Variants in ZNF704 observed in about 807,000 individuals in gnomAD.
The protein encoded by ZNF704 is zinc finger protein 704.
ZNF704 carries 10 observed loss-of-function variants against 44.7 expected under a neutral mutation model. The ratio of observed to expected loss-of-function variants is 0.22; its 90% confidence interval spans 0.14 to 0.38. The LOEUF (loss-of-function observed/expected upper bound fraction) is 0.38, where lower values mean the gene tolerates loss of function less well. Among genes scored for constraint, ZNF704 ranks in the 10% least tolerant of loss-of-function variants. ZNF704 has a pLI of 1.00. For missense variants in ZNF704, 390 were observed against 545.5 expected, an observed-to-expected ratio of 0.71 and a Z score of 2.84; for synonymous variants, 211 against 207.6, an observed-to-expected ratio of 1.02 and a Z score of -0.14.
intron 2 of ZNF704, among the ~76,000 whole-genome samples, chr8:80,696,825 C>A (rs989438426): frequency 6.6e-6 from 1 of 152,200 alleles, no homozygotes; most frequent in Admixed American, 6.5e-5. Flanking sequence ...ACCTTACCCA[C>A]GTAGCCTGAG....
chr8:80,809,326 G>A (rs184740904), intron 2 of ZNF704, among the ~76,000 whole-genome samples: 46 of 152,244 alleles, frequency 3.0e-4, no homozygotes, highest in African/African-American at 1.1e-3. Context: ...ACATCCTGCA[G>A]ACAAAAGCCA....
chr8:80,749,589 T>A (rs537864109), intron 2 of ZNF704: 2 of 153,436 alleles, frequency 1.3e-5, no homozygotes, highest in South Asian at 4.1e-4. Context: ...GATCACCAGC[T>A]GCCCAACTAC....
intron 2 of ZNF704, among the ~76,000 whole-genome samples, chr8:80,694,683 G>T (rs1186427319): frequency 6.6e-6 from 1 of 152,136 alleles, no homozygotes; most frequent in East Asian, 1.9e-4. Context: ...ATTATTGGGG[G>T]GCTGCTCAAT....
chr8:80,881,792 G>A, the ZNF704 span, among the ~76,000 whole-genome samples: 1 of 152,144 alleles, frequency 6.6e-6, no homozygotes, highest in East Asian at 1.9e-4. Flanking sequence ...GCCGGGCATG[G>A]TGGTGGGCAC....
At chr8:80,818,528 A>G (rs1217990534) in intron 2 of ZNF704, among the ~76,000 whole-genome samples, 2 of 152,176 alleles carry the variant, frequency 1.3e-5, no homozygotes, top group African/African-American at 2.4e-5. Flanking sequence ...ATTACTTATA[A>G]TATCTAATAC....
chr8:80,644,690 G>T (rs948888101), intron 7 of ZNF704, among the ~76,000 whole-genome samples: 2 of 152,148 alleles, frequency 1.3e-5, no homozygotes, highest in African/African-American at 2.4e-5. Context: ...AGAACACATC[G>T]TGGCTTCTGG....
intron 2 of ZNF704, among the ~76,000 whole-genome samples, chr8:80,763,326 A>G (rs1023399523): frequency 6.6e-6 from 1 of 152,192 alleles, no homozygotes; most frequent in African/African-American, 2.4e-5. Flanking sequence ...TACATTCCAG[A>G]CATCCAGGTG....
intron 2 of ZNF704, among the ~76,000 whole-genome samples, chr8:80,811,614 T>C (rs958063664): frequency 2.0e-5 from 3 of 152,244 alleles, no homozygotes; most frequent in Non-Finnish European, 4.4e-5. Flanking sequence ...AAAATACCAC[T>C]AGGACAGGGC....
At chr8:80,842,946 C>G (rs1325525556) in intron 1 of ZNF704, among the ~76,000 whole-genome samples, 1 of 152,192 alleles carries the variant, frequency 6.6e-6, no homozygotes, top group Non-Finnish European at 1.5e-5. Flanking sequence ...GGGGACAAGC[C>G]TGCAAGCCAG....
chr8:80,675,484 T>A (rs76970388), intron 4 of ZNF704, among the ~76,000 whole-genome samples: 1 of 150,262 alleles, frequency 6.7e-6, no homozygotes, highest in Admixed American at 6.6e-5. Context: ...TTTTTTTTTT[T>A]AATATTACTC....
chr8:80,717,132 T>C (rs544847757), intron 2 of ZNF704, among the ~76,000 whole-genome samples: 53 of 152,322 alleles, frequency 3.5e-4, no homozygotes, highest in African/African-American at 1.2e-3. Flanking sequence ...AGAAAATACA[T>C]GTGTGAAATG....
At chr8:80,781,958 C>A (rs1490235801) in intron 2 of ZNF704, among the ~76,000 whole-genome samples, 1 of 152,142 alleles carries the variant, frequency 6.6e-6, no homozygotes, top group Admixed American at 6.5e-5. Flanking sequence ...TAGGAATAGT[C>A]CTTCATAGAC....
intron 2 of ZNF704, among the ~76,000 whole-genome samples, chr8:80,791,545 G>A (rs1298774624): frequency 6.6e-6 from 1 of 152,230 alleles, no homozygotes; most frequent in East Asian, 1.9e-4. Flanking sequence ...GGGAACCACA[G>A]TCTTAATAGC....
intron 2 of ZNF704, among the ~76,000 whole-genome samples, chr8:80,716,985 TA>T (rs1434918981): frequency 1.3e-5 from 2 of 152,220 alleles, no homozygotes; most frequent in East Asian, 3.8e-4. Context: ...AAAGGCCAAT[TA>T]AAACACTGCT....
intron 2 of ZNF704, among the ~76,000 whole-genome samples, chr8:80,736,701 G>C (rs1192917387): frequency 6.6e-6 from 1 of 152,174 alleles, no homozygotes; most frequent in Admixed American, 6.5e-5. Flanking sequence ...AGGGGAAATA[G>C]TGGGAGGAGG....
intron 7 of ZNF704, chr8:80,645,181 G>A (rs974552877): frequency 8.8e-6 from 14 of 1,584,938 alleles, no homozygotes; most frequent in African/African-American, 2.7e-5. Flanking sequence ...ATGATCGCTC[G>A]GTTTGCTAGC....
At chr8:80,643,573 TCA>T (rs1817780411) in intron 7 of ZNF704, among the ~76,000 whole-genome samples, 1 of 141,286 alleles carries the variant, frequency 7.1e-6, no homozygotes, top group Non-Finnish European at 1.5e-5. Flanking sequence ...AATACTTTCC[TCA>T]CAGAGACCAC....
intron 1 of ZNF704, among the ~76,000 whole-genome samples, chr8:80,860,908 T>C (rs1005289070): frequency 3.9e-5 from 6 of 152,242 alleles, no homozygotes; most frequent in Non-Finnish European, 8.8e-5. Flanking sequence ...GGACCAGGTC[T>C]GTTTACTGCT....
At position 80,874,267 on chromosome 8, in the gene ZNF704, G is replaced by C. The variant is rs1021854524; in HGVS notation, c.-22+304C>G. 6.9e-6 allele frequency among the ~76,000 whole-genome samples: 1 copy of C among 144,234 alleles called. No individual in the cohort carries two copies. Among genetic ancestry groups the C allele is most frequent in the African/African-American group, 2.5e-5 (1 of 40,278 alleles). 94.6% of individuals were successfully genotyped at this position (144,234 alleles called of 152,430 possible). ...GCCGGCGGCCGGCGGCTACGGCGGG[G>C]CGGCGCGGCGGCCGCGGGCGGGGGT... On this transcript the variant is annotated intron_variant, in intron 1 of 8. Transcript: ENST00000327835. The surrounding 1 kb of genome is among the most constrained non-coding windows in gnomAD (Gnocchi z 4.4).
Sources: gnomAD v4.1 joint callset for allele counts (sites outside exome capture counted in the v4.1 genomes callset) on GRCh38, gnomAD v4.1.1 for gene constraint, Gnocchi (gnomAD v3.1) non-coding constraint, MANE v1.5 for transcripts, NCBI Gene and HGNC (gene_info 2026-07-23, HGNC 2026-07-21) for gene names.